The following NUMA1 variants were observed in gnomAD, a reference collection of about 807,000 sequenced individuals.
NUMA1 encodes the protein SP-H antigen.
A neutral mutation model predicts 237.1 loss-of-function variants in NUMA1; 62 were observed. That is an observed-to-expected ratio of 0.26 (90% CI 0.21 to 0.32). NUMA1 has a LOEUF of 0.32. Among genes scored for constraint, NUMA1 ranks in the 10% least tolerant of loss-of-function variants. NUMA1 has a pLI of 1.00. For missense variants in NUMA1, 2,533 were observed against 2,666.5 expected, an observed-to-expected ratio of 0.95 and a Z score of 1.10; for synonymous variants, 1,028 against 1,066.1, an observed-to-expected ratio of 0.96 and a Z score of 0.70.
At chr11:72,050,227 A>G (rs1345874074) in intron 2 of NUMA1, among the ~76,000 whole-genome samples, 1 of 152,206 alleles carries the variant, frequency 6.6e-6, no homozygotes, top group Non-Finnish European at 1.5e-5. Flanking sequence ...ACTAAAGAAA[A>G]GTAGCTTTCT....
At chr11:72,024,044 T>C (rs898903403) in intron 5 of NUMA1, 2 of 496,820 alleles carry the variant, frequency 4.0e-6, no homozygotes, top group Non-Finnish European at 7.2e-6. Context: ...TGGCTCCACC[T>C]AGATCTCCGA....
At chr11:72,012,822 GGACACA>G in intron 15 of NUMA1, 67 bp downstream of exon 15, 1 of 1,559,840 alleles carries the variant, frequency 6.4e-7, no homozygotes, top group South Asian at 1.2e-5. Flanking sequence ...TAGAGGCCCT[GGACACA>G]GAGGATCGAT....
In NUMA1 at chr11:72,074,772, G is replaced by A. The variant is rs565880901; in HGVS notation, c.-102-4861C>T. Among the ~76,000 whole-genome samples, 16 of 152,038 alleles carry A rather than the reference G, an allele frequency of 1.1e-4. No homozygotes were observed. In the South Asian group the frequency reaches 2.9e-3, roughly 28 times the overall value. On this transcript the variant is annotated intron_variant, in intron 1 of 26. Coordinates refer to ENST00000393695, the MANE Select transcript of NUMA1 (RefSeq NM_006185.4). ...AAACAGGCTGGGTGCAATGGCTCAC[G>A]CCTGTAATCCCAGCACTTTGGGAGG...
At chr11:72,021,403 G>T in intron 7 of NUMA1, 112 bp from the exon 8 acceptor site, 2 of 895,454 alleles carry the variant, frequency 2.2e-6, no homozygotes, top group African/African-American at 1.7e-5. Context: ...TGCCCTAGGA[G>T]CCTGCTGGAT....
In NUMA1 at chr11:72,018,185, T is replaced by C; in HGVS notation, c.976A>G (p.Lys326Glu). ...GCACACACCACCTTAACACCCACCT[T>C]AAAGGAAAGGTCTCCATTCTCCTCC... ...LSEENGDLSF[K>E]LREFASHLQQ... Residue 326 changes from lysine to glutamate, a missense_variant and splice_region_variant, in exon 12 of 27, where the codon AAG (lysine) becomes GAG (glutamate). Transcript: ENST00000393695. 1 of 1,611,200 alleles carries C rather than the reference T, an allele frequency of 6.2e-7. No homozygotes were observed. Among genetic ancestry groups the C allele is most frequent in the Non-Finnish European group, 8.5e-7 (1 of 1,177,340 alleles).
intron 2 of NUMA1, chr11:72,066,436 C>T (rs1397088149): frequency 6.6e-6 from 1 of 152,198 alleles, no homozygotes; most frequent in Non-Finnish European, 1.5e-5. Context: ...TTAAGGTTCT[C>T]TAAGATCCAA....
intron 26 of NUMA1, 163 bp from the exon 27 acceptor site, chr11:72,003,701 TCTCCATGAGAATGGGG>T (rs1474605685): frequency 9.7e-7 from 1 of 1,034,068 alleles, no homozygotes; most frequent in Non-Finnish European, 1.5e-6. Flanking sequence ...CTCTGGGTGC[TCTCCATGAGAATGGGG>T]CCATCTGTCT....
Position 72,005,355 on chromosome 11 carries a change from A to G in NUMA1, c.5707T>C (p.Tyr1903His). 6.2e-7 allele frequency: 1 copy of G among 1,608,062 alleles called. No individual in the cohort carries two copies. Among genetic ancestry groups the G allele is most frequent in the Non-Finnish European group, 8.5e-7 (1 of 1,177,374 alleles). The change falls in exon 23 of 27, where the codon TAC becomes CAC. Residue 1903 changes from tyrosine (Y) to histidine (H), a missense_variant. By Grantham distance (83) the Tyr-to-His change is moderately conservative. This residue lies in a region of NUMA1 where 795 missense variants were observed against 750.8 expected (regional missense o/e 1.06). Coordinates refer to ENST00000393695, the MANE Select transcript of NUMA1 (RefSeq NM_006185.4). Reference sequence around the variant, plus strand: ...GGCTCATCCTGGCAAGTGCCCATGTAGAAGCTGTTCCTTCCTGTGGAAGGC... The same window carrying G: ...GGCTCATCCTGGCAAGTGCCCATGTGGAAGCTGTTCCTTCCTGTGGAAGGC... ...SGAPPGRNSF[Y>H]MGTCQDEPEQ...
At chr11:72,012,552 T>C (rs1196324967) in intron 15 of NUMA1, 110 bp from the exon 16 acceptor site, 6 of 1,059,684 alleles carry the variant, frequency 5.7e-6, no homozygotes, top group Non-Finnish European at 8.5e-6. Context: ...CCTAAGGAGC[T>C]AGATTGACAG....
chr11:72,031,344 G>A (rs897037315), intron 3 of NUMA1, among the ~76,000 whole-genome samples: 1 of 151,736 alleles, frequency 6.6e-6, no homozygotes, highest in African/African-American at 2.4e-5. Context: ...GCACTATTAT[G>A]GTTAATAAAA....
At chr11:72,057,355 A>T (rs1942710625) in intron 2 of NUMA1, among the ~76,000 whole-genome samples, 1 of 152,250 alleles carries the variant, frequency 6.6e-6, no homozygotes, top group African/African-American at 2.4e-5. Flanking sequence ...ATCCAAAAGA[A>T]GATTTACATA....
At chr11:72,054,434 A>T (rs902453297) in intron 2 of NUMA1, among the ~76,000 whole-genome samples, 17 of 151,804 alleles carry the variant, frequency 1.1e-4, no homozygotes, top group African/African-American at 4.1e-4. Flanking sequence ...CACAATTGCA[A>T]TCCACCCTGG....
In NUMA1 at chr11:72,015,813, C is replaced by T. The variant is rs764001692; in HGVS notation, c.1690G>A (p.Glu564Lys). Residue 564 changes from glutamate (E) to lysine (K), a missense_variant, in exon 15 of 27, where the codon GAG becomes AAG. Glu to Lys is a moderately conservative substitution (Grantham distance 56). Transcript: ENST00000393695. This position sits in a 1 kb window ranked among gnomAD's most constrained non-coding sequence, Gnocchi z 4.0. ...TCCGCTACCTCCTTCAACTGCTGCTCCTTCTGCTTCAGGCTACTGCTTAGC... is the reference window on the plus strand; with the variant it reads ...TCCGCTACCTCCTTCAACTGCTGCTTCTTCTGCTTCAGGCTACTGCTTAGC... The part of the protein sequence containing the change: ...EQLSSSLKQK[E>K]QQLKEVAEKQ... 6.2e-7 allele frequency: 1 copy of T among 1,614,118 alleles called. No individual in the cohort carries two copies. The highest frequency in any genetic ancestry group is 8.5e-7 in the Non-Finnish European group (1 of 1,180,050).
At chr11:72,016,557 C>G (rs1188542378) in intron 13 of NUMA1, 27 bp from the exon 14 acceptor site, 5 of 1,609,302 alleles carry the variant, frequency 3.1e-6, no homozygotes, top group African/African-American at 2.7e-5. Context: ...CCCATGTGAA[C>G]AGAGAGGGGG....
chr11:72,009,674 C>A (rs766460347), intron 17 of NUMA1, among the ~76,000 whole-genome samples: 1 of 152,196 alleles, frequency 6.6e-6, no homozygotes, highest in South Asian at 2.1e-4. Context: ...TTTGCATGCA[C>A]AATCTCCCGT....
chr11:72,069,376 C>T (rs1263925965), intron 2 of NUMA1, among the ~76,000 whole-genome samples: 4 of 152,118 alleles, frequency 2.6e-5, no homozygotes, highest in Admixed American at 2.0e-4. Flanking sequence ...ACCCAAACTC[C>T]CAGCATAATG....
chr11:72,010,234 C>T (rs1158004777), intron 17 of NUMA1, among the ~76,000 whole-genome samples: 2 of 152,234 alleles, frequency 1.3e-5, no homozygotes, highest in Non-Finnish European at 2.9e-5. Context: ...AATTCCTTTG[C>T]CCCTGACTGA....
intron 4 of NUMA1, among the ~76,000 whole-genome samples, chr11:72,027,385 C>T (rs1939718435): frequency 6.6e-6 from 1 of 150,886 alleles, no homozygotes; most frequent in Non-Finnish European, 1.5e-5. Flanking sequence ...TGCTGACTTA[C>T]AGGTGGTACA....
chr11:72,072,220 G>A (rs1004268018), intron 1 of NUMA1: 4 of 153,588 alleles, frequency 2.6e-5, no homozygotes, highest in African/African-American at 9.6e-5. Flanking sequence ...CTGCCCACAC[G>A]TTAGTACCCA....
Sources: gnomAD v4.1 joint callset for allele counts (sites outside exome capture counted in the v4.1 genomes callset) on GRCh38, gnomAD v4.1.1 for gene constraint, gnomAD v4.1.1 regional missense constraint, Gnocchi (gnomAD v3.1) non-coding constraint, MANE v1.5 for transcripts, NCBI Gene and HGNC (gene_info 2026-07-23, HGNC 2026-07-21) for gene names.